Variants in EDIL3 observed in about 807,000 individuals in gnomAD.
The protein encoded by EDIL3 is EGF-like repeat and discoidin I-like domain-containing protein 3.
Under a neutral mutation model 67.4 loss-of-function variants are expected in EDIL3, and 37 were observed. That is an observed-to-expected ratio of 0.55 (90% CI 0.42 to 0.72). The LOEUF is 0.72. Ranked by LOEUF, EDIL3 falls within the 30% of genes least tolerant of loss-of-function variation. EDIL3 has a pLI of 0.00. For synonymous variants in EDIL3, 195 were observed against 196.3 expected, an observed-to-expected ratio of 0.99 and a Z score of 0.05; for missense variants, 527 against 586.3, an observed-to-expected ratio of 0.90 and a Z score of 1.04.
At chr5:84,049,841 C>A (rs1232700760) in intron 9 of EDIL3, among the ~76,000 whole-genome samples, 2 of 152,016 alleles carry the variant, frequency 1.3e-5, no homozygotes, top group East Asian at 3.9e-4. Flanking sequence ...ATAGAAATAG[C>A]ATAACAATTT....
chr5:84,007,178 T>C (rs1346442453), intron 9 of EDIL3, among the ~76,000 whole-genome samples: 4 of 152,072 alleles, frequency 2.6e-5, no homozygotes, highest in African/African-American at 9.7e-5. Context: ...ACTATGAAAC[T>C]ACTAAAAGCA....
At chr5:84,084,867 G>A (rs1281438878) in intron 6 of EDIL3, among the ~76,000 whole-genome samples, 1 of 152,124 alleles carries the variant, frequency 6.6e-6, no homozygotes, top group Admixed American at 6.5e-5. Context: ...AACCACTGAA[G>A]TTTTGAAAAC....
chr5:84,008,674 A>C (rs1165207849), intron 9 of EDIL3, among the ~76,000 whole-genome samples: 1 of 152,216 alleles, frequency 6.6e-6, no homozygotes, highest in East Asian at 1.9e-4. Flanking sequence ...GACCTTGCTA[A>C]AAGCAGTTTC....
chr5:84,262,668 T>TTTTTTTTTTTTG (rs1745254555), intron 1 of EDIL3, among the ~76,000 whole-genome samples: 1 of 105,748 alleles, frequency 9.5e-6, no homozygotes, highest in Non-Finnish European at 1.9e-5. Flanking sequence ...GGTTTTTTTT[T>TTTTTTTTTTTTG]TTTTTTTTTT....
rs1374839384 is a variant in EDIL3 at position 84,384,774 on chromosome 5, G to T, written c.-400C>A. 1 of 152,824 alleles carries T rather than the reference G, an allele frequency of 6.5e-6. No homozygotes were observed. Among genetic ancestry groups the T allele is most frequent in the African/African-American group, 2.4e-5 (1 of 41,450 alleles). 9.5% of individuals were successfully genotyped at this position (152,824 alleles called of 1,614,324 possible). ...GCGCTCGGCTGTCGCTGTTCTCCGC[G>T]CGGCGGCTGCGGGGCTTCTGACTTG... On this transcript the variant is annotated 5_prime_UTR_variant, in exon 1 of 11. Coordinates refer to ENST00000296591, the MANE Select transcript of EDIL3 (RefSeq NM_005711.5).
chr5:84,119,212 GTTTTTTTT>G (rs66522256), intron 5 of EDIL3, among the ~76,000 whole-genome samples: 4 of 82,330 alleles, frequency 4.9e-5, no homozygotes, highest in South Asian at 5.5e-4. Flanking sequence ...CATGCATTTG[GTTTTTTTT>G]TTTTTTTTTT....
At position 84,353,984 on chromosome 5, in the gene EDIL3, T is replaced by C. The variant is rs75935604; in HGVS notation, c.67+30324A>G. ...TTAGTCCTCTCTTCACTAGTTACCA[T>C]TTCAATCCTTTTAAAAGTTTTTGCC... is the stretch of plus-strand genomic sequence containing the variant. On this transcript the variant is annotated intron_variant, in intron 1 of 10. Transcript: ENST00000296591. Among the ~76,000 whole-genome samples the C allele has an allele frequency of 7.0e-3, 1,064 of 152,316 alleles. 8 individuals carry two copies. Among genetic ancestry groups the C allele is most frequent in the African/African-American group, 0.024 (988 of 41,574 alleles).
intron 2 of EDIL3, among the ~76,000 whole-genome samples, chr5:84,230,245 AATATGGATTGTAT>A (rs1177380101): frequency 1.3e-5 from 2 of 152,140 alleles, no homozygotes; most frequent in African/African-American, 4.8e-5. Context: ...GCTGCTGAAA[AATATGGATTGTAT>A]ATAACATAGA....
chr5:84,330,682 A>G (rs1241896164), intron 1 of EDIL3, among the ~76,000 whole-genome samples: 7 of 152,170 alleles, frequency 4.6e-5, no homozygotes, highest in Non-Finnish European at 7.3e-5. Context: ...AGTTCTGCTT[A>G]TCTTTTAAGT....
intron 1 of EDIL3, among the ~76,000 whole-genome samples, chr5:84,370,900 C>A (rs1353478143): frequency 2.0e-5 from 3 of 151,856 alleles, no homozygotes; most frequent in Non-Finnish European, 4.4e-5. Context: ...ATGTATATAC[C>A]AGCAGAGTTG....
chr5:84,297,260 G>A (rs1270150221), intron 1 of EDIL3, among the ~76,000 whole-genome samples: 1 of 150,554 alleles, frequency 6.6e-6, no homozygotes, highest in Non-Finnish European at 1.5e-5. Flanking sequence ...ACATATATGC[G>A]ACCAACAAAC....
At chr5:84,298,138 C>G (rs143089143) in intron 1 of EDIL3, among the ~76,000 whole-genome samples, 101 of 152,062 alleles carry the variant, frequency 6.6e-4, no homozygotes, top group Non-Finnish European at 1.3e-3. Context: ...GAGTACATAC[C>G]CAAAGGAGTA....
intron 5 of EDIL3, among the ~76,000 whole-genome samples, chr5:84,112,535 A>T (rs1747582449): frequency 6.6e-6 from 1 of 152,154 alleles, no homozygotes; most frequent in South Asian, 2.1e-4. Flanking sequence ...TTGCTGTTGG[A>T]TTGAATGTGG....
intron 3 of EDIL3, among the ~76,000 whole-genome samples, chr5:84,215,357 C>T (rs866233726): frequency 1.3e-5 from 2 of 151,466 alleles, no homozygotes; most frequent in African/African-American, 4.8e-5. Flanking sequence ...GGGTTCAGGC[C>T]ATTCTCCTGC....
intron 9 of EDIL3, among the ~76,000 whole-genome samples, chr5:84,054,494 A>G (rs1183199675): frequency 6.6e-6 from 1 of 152,186 alleles, no homozygotes; most frequent in African/African-American, 2.4e-5. Flanking sequence ...AAGGGTATTC[A>G]ATTAGGAGAA....
At chr5:84,227,278 G>T (rs1744469245) in intron 3 of EDIL3, among the ~76,000 whole-genome samples, 1 of 151,920 alleles carries the variant, frequency 6.6e-6, no homozygotes, top group Non-Finnish European at 1.5e-5. Context: ...CAAAGGACAT[G>T]GACAGACACT....
intron 9 of EDIL3, among the ~76,000 whole-genome samples, chr5:83,990,713 C>T (rs143684963): frequency 0.023 from 3,420 of 151,612 alleles, 96 homozygotes; most frequent in East Asian, 0.084. Flanking sequence ...AAACCCATCT[C>T]TACTGAAAAT....
intron 9 of EDIL3, among the ~76,000 whole-genome samples, chr5:83,965,611 T>C (rs979456059): frequency 1.3e-5 from 2 of 152,064 alleles, no homozygotes; most frequent in Non-Finnish European, 2.9e-5. Flanking sequence ...AGATGATGCA[T>C]TGAGGAGTTT....
intron 4 of EDIL3, among the ~76,000 whole-genome samples, chr5:84,155,875 T>C (rs189988470): frequency 4.6e-5 from 7 of 152,358 alleles, no homozygotes; most frequent in Admixed American, 3.9e-4. Context: ...TTCTGTTTTG[T>C]GCAGTTTACT....
Sources: allele counts gnomAD v4.1 joint callset (sites outside exome capture counted in the v4.1 genomes callset), GRCh38; gene constraint gnomAD v4.1.1; transcripts MANE v1.5; gene names NCBI Gene and HGNC (gene_info 2026-07-23, HGNC 2026-07-21).